ARL15: variants seen among roughly 807,000 people sequenced by gnomAD.
The protein encoded by ARL15 is ADP-ribosylation factor-like protein 15.
A neutral mutation model predicts 25.2 loss-of-function variants in ARL15; 19 were observed. That is an observed-to-expected ratio of 0.75 (90% CI 0.53 to 1.10). The LOEUF (loss-of-function observed/expected upper bound fraction) is 1.10. ARL15 is among the 50% of genes least tolerant of loss of function. ARL15 has a pLI of 0.00. For synonymous variants in ARL15, 94 were observed against 86.8 expected, an observed-to-expected ratio of 1.08 and a Z score of -0.46; for missense variants, 220 against 246.0, an observed-to-expected ratio of 0.89 and a Z score of 0.71.
intron 4 of ARL15, among the ~76,000 whole-genome samples, chr5:53,963,199 C>T (rs190808241): frequency 2.0e-5 from 3 of 152,288 alleles, no homozygotes; most frequent in Admixed American, 1.3e-4. Context: ...GAACAATGAA[C>T]GTGTTATCTC....
At chr5:54,095,359 C>T (rs990079456) in intron 4 of ARL15, among the ~76,000 whole-genome samples, 18 of 152,228 alleles carry the variant, frequency 1.2e-4, no homozygotes, top group African/African-American at 3.8e-4. Flanking sequence ...GAATATGACA[C>T]GTTTTATAGC....
chr5:54,141,029 T>A (rs892792436), intron 3 of ARL15, among the ~76,000 whole-genome samples: 2 of 152,210 alleles, frequency 1.3e-5, no homozygotes, highest in South Asian at 4.1e-4. Flanking sequence ...ATTATAAATA[T>A]AACCAAAATG....
intron 1 of ARL15, among the ~76,000 whole-genome samples, chr5:54,215,108 C>T (rs1050390734): frequency 3.9e-5 from 6 of 152,064 alleles, no homozygotes; most frequent in African/African-American, 1.4e-4. Flanking sequence ...GGGGAGGAGG[C>T]CTTTCCCTAA....
chr5:54,159,614 T>G (rs277324), intron 2 of ARL15, among the ~76,000 whole-genome samples: 135,161 of 152,228 alleles, frequency 0.89, 60,295 homozygotes, highest in East Asian at 0.98. Context: ...GGCTTCACGG[T>G]TAAGTCTCCC....
chr5:54,076,512 C>A (rs255765), intron 4 of ARL15, among the ~76,000 whole-genome samples: 76,098 of 151,504 alleles, frequency 0.5, 21,250 homozygotes, highest in Non-Finnish European at 0.62. Context: ...TCATAATATA[C>A]GTCAATATTA....
intron 4 of ARL15, among the ~76,000 whole-genome samples, chr5:53,890,849 T>A (rs181797456): frequency 6.6e-6 from 1 of 152,294 alleles, no homozygotes; most frequent in Admixed American, 6.5e-5. Flanking sequence ...GTAGCAGCTG[T>A]TAAACCTGTG....
chr5:54,235,750 G>A (rs948179439), intron 1 of ARL15, among the ~76,000 whole-genome samples: 6 of 152,158 alleles, frequency 3.9e-5, no homozygotes, highest in Non-Finnish European at 7.3e-5. Flanking sequence ...GGGATTACAG[G>A]TGTGAGCCAC....
chr5:53,905,931 G>A (rs1367968053), intron 4 of ARL15, among the ~76,000 whole-genome samples: 1 of 152,100 alleles, frequency 6.6e-6, no homozygotes, highest in Non-Finnish European at 1.5e-5. Context: ...ACACTTATAC[G>A]TCAGAGTCCT....
chr5:54,269,871 G>A (rs1346477188), intron 1 of ARL15, among the ~76,000 whole-genome samples: 2 of 152,060 alleles, frequency 1.3e-5, no homozygotes, highest in South Asian at 2.1e-4. Context: ...GGTCTCCAAC[G>A]CCTGACCTCC....
At chr5:54,253,593 A>ATT (rs879811735) in intron 1 of ARL15, among the ~76,000 whole-genome samples, 1 of 148,216 alleles carries the variant, frequency 6.7e-6, no homozygotes, top group Admixed American at 6.8e-5. Context: ...AAGGAATCAG[A>ATT]TTTTTTTTTT....
At chr5:54,230,533 T>C (rs1336250266) in intron 1 of ARL15, among the ~76,000 whole-genome samples, 1 of 151,884 alleles carries the variant, frequency 6.6e-6, no homozygotes, top group East Asian at 1.9e-4. Flanking sequence ...ACGTCAAAAA[T>C]ATATATATAT....
rs1744540085 is a variant in ARL15 at position 53,886,776 on chromosome 5, A to G, written c.463-63T>C. On this transcript the variant is annotated intron_variant, in intron 4 of 4. Transcript: ENST00000504924. ...TATATCAGAAACTTTCTCATATCAA[A>G]ATTCTGAGGGATAAAGTAGGGGAAT... 7 of 1,427,318 alleles carry G rather than the reference A, an allele frequency of 4.9e-6. No homozygotes were observed. In the Admixed American group the frequency reaches 1.8e-4, roughly 36 times the overall value. 88.4% of individuals were successfully genotyped at this position (1,427,318 alleles called of 1,614,324 possible).
At chr5:54,135,886 A>G (rs1753587396) in intron 3 of ARL15, among the ~76,000 whole-genome samples, 1 of 152,190 alleles carries the variant, frequency 6.6e-6, no homozygotes, top group South Asian at 2.1e-4. Flanking sequence ...TGCATACCCA[A>G]CTTTCCTGAC....
chr5:53,885,580 G>A lies in ARL15; in HGVS notation c.*981C>T, dbSNP rs764664541. The A allele has an allele frequency of 2.0e-5, 3 of 152,508 alleles. No homozygotes were observed. Among genetic ancestry groups the A allele is most frequent in the Non-Finnish European group, 2.9e-5 (2 of 68,010 alleles). 9.4% of individuals were successfully genotyped at this position (152,508 alleles called of 1,614,324 possible). A position where few individuals can be genotyped will look rare whatever the true frequency, so the allele number is the denominator to read the frequency against. On this transcript the variant is annotated 3_prime_UTR_variant, in exon 5 of 5. Coordinates refer to ENST00000504924, the MANE Select transcript of ARL15 (RefSeq NM_019087.3). ...AGATTCCAATAAACTACAGTAACAC[G>A]TAATGAATGAATATATAGATGATTC...
At chr5:54,052,111 A>T (rs1750720491) in intron 4 of ARL15, among the ~76,000 whole-genome samples, 1 of 152,176 alleles carries the variant, frequency 6.6e-6, no homozygotes, top group Non-Finnish European at 1.5e-5. Context: ...AGGTCTGTGG[A>T]TGCCATGGGT....
Position 54,310,490 on chromosome 5 carries a change from A to C in ARL15, c.-11T>G, listed in dbSNP as rs912446106. The stretch of plus-strand genomic sequence containing the variant: ...TCGGAGATCAGACATCCGGCAGCCT[A>C]AAGCATCCGGAACGGCTCCGAACCC... On this transcript the variant is annotated 5_prime_UTR_variant, in exon 1 of 5. It removes the in-frame stop codon of an upstream open reading frame in the 5' UTR. Transcript: ENST00000504924. 6.2e-7 allele frequency: 1 copy of C among 1,601,370 alleles called. No homozygotes were observed. The highest frequency in any genetic ancestry group is 8.5e-7 in the Non-Finnish European group (1 of 1,174,318).
chr5:53,895,016 C>T lies in ARL15; in HGVS notation c.463-8303G>A, dbSNP rs982655836. On this transcript the variant is annotated intron_variant, in intron 4 of 4. Coordinates refer to ENST00000504924, the MANE Select transcript of ARL15 (RefSeq NM_019087.3). ...ATTATCTATGGCTGCTTTCATGCTA[C>T]AGTGGCAAAGTTGAGTAATTGCCAC... 4.6e-5 allele frequency among the ~76,000 whole-genome samples: 7 copies of T among 152,326 alleles called. No individual in the cohort carries two copies. In the East Asian group the frequency reaches 1.3e-3, roughly 29 times the overall value.
rs1187014542 is a variant in ARL15, at chr5:54,015,043, A to G, written c.462+98159T>C. Among the ~76,000 whole-genome samples the G allele has an allele frequency of 2.0e-5, 3 of 151,980 alleles. No individual in the cohort carries two copies. The East Asian group carries it at 5.8e-4, about 29-fold the overall frequency. ...CGCGGTGGCTCACACCTATAATCCC[A>G]GCACTTTGGGAGGTCAAGGCAGGTA... On this transcript the variant is annotated intron_variant, in intron 4 of 4. Transcript: ENST00000504924.
intron 1 of ARL15, among the ~76,000 whole-genome samples, chr5:54,273,983 C>T (rs1160217456): frequency 6.6e-6 from 1 of 152,088 alleles, no homozygotes; most frequent in East Asian, 1.9e-4. Flanking sequence ...CAAAGGAGGC[C>T]GTTAGGTCTT....
Sources: allele counts gnomAD v4.1 joint callset (sites outside exome capture counted in the v4.1 genomes callset), GRCh38; gene constraint gnomAD v4.1.1; transcripts MANE v1.5; gene names NCBI Gene and HGNC (gene_info 2026-07-23, HGNC 2026-07-21).